MRPS5: variants seen among roughly 807,000 people sequenced by gnomAD.
MRPS5 encodes mitochondrial ribosomal protein S5, also known as small ribosomal subunit protein uS5m.
Under a neutral mutation model 51.9 loss-of-function variants are expected in MRPS5, and 27 were observed. The ratio of observed to expected loss-of-function variants is 0.52; its 90% CI spans 0.38 to 0.72. The LOEUF (loss-of-function observed/expected upper bound fraction) is 0.72. Among genes scored for constraint, MRPS5 ranks in the 30% least tolerant of loss-of-function variants. The pLI, the probability that MRPS5 is intolerant of heterozygous loss-of-function variation, is 0.00. For synonymous variants in MRPS5, 196 were observed against 193.2 expected, an observed-to-expected ratio of 1.01 and a Z score of -0.12; for missense variants, 570 against 545.7, an observed-to-expected ratio of 1.04 and a Z score of -0.44.
At chr2:95,121,595 G>T in intron 1 of MRPS5, 139 bp downstream of exon 1, 1 of 929,866 alleles carries the variant, frequency 1.1e-6, no homozygotes, top group Non-Finnish European at 1.5e-6. Flanking sequence ...CAGCGGCTCC[G>T]GCGGAAGGTG....
intron 2 of MRPS5, among the ~76,000 whole-genome samples, chr2:95,115,461 C>T (rs934492355): frequency 6.6e-6 from 1 of 152,100 alleles, no homozygotes; most frequent in African/African-American, 2.4e-5. Flanking sequence ...TTGTCCATAC[C>T]GCAGTTTCAG....
chr2:95,121,917 G>A (rs1412418678), upstream of MRPS5: 1 of 1,118,260 alleles, frequency 8.9e-7, no homozygotes, highest in Non-Finnish European at 1.2e-6. Context: ...AGTCCACGCA[G>A]CAGCGCAGGC....
At chr2:95,101,763 T>C (rs755515300) in intron 7 of MRPS5, 40 bp from the exon 8 acceptor site, 1 of 1,513,556 alleles carries the variant, frequency 6.6e-7, no homozygotes, top group Non-Finnish European at 9.0e-7. Flanking sequence ...GAGACAGAAA[T>C]TTTGCCCATG....
At chr2:95,115,348 A>C in intron 2 of MRPS5, 145 bp from the exon 3 acceptor site, 1 of 835,418 alleles carries the variant, frequency 1.2e-6, no homozygotes, top group Non-Finnish European at 1.7e-6. Context: ...CTTTCTTTTA[A>C]AAATAAAACT....
At position 95,087,129 on chromosome 2, in the gene MRPS5, G is replaced by GTAACAAAAGTA. The variant is rs1675313914; in HGVS notation, c.*227_*228insTACTTTTGTTA. The stretch of plus-strand genomic sequence containing the variant: ...TTCATTTACTTTTGTTACTTTGGAT[G>GTAACAAAAGTA]AATATTTAAAGTAGTCTTGAACTGA... On this transcript the variant is annotated 3_prime_UTR_variant, in exon 12 of 12. Coordinates refer to ENST00000272418, the MANE Select transcript of MRPS5 (RefSeq NM_031902.5). 1 of 443,136 alleles carries GTAACAAAAGTA rather than the reference G, an allele frequency of 2.3e-6. No homozygotes were observed. Among genetic ancestry groups the GTAACAAAAGTA allele is most frequent in the Non-Finnish European group, 4.0e-6 (1 of 252,824 alleles). 27.5% of individuals were successfully genotyped at this position (443,136 alleles called of 1,614,324 possible).
At chr2:95,104,138 C>A (rs1236877958) in intron 7 of MRPS5, 1 of 163,504 alleles carries the variant, frequency 6.1e-6, no homozygotes, top group African/African-American at 2.4e-5. Flanking sequence ...TTACAGTGTA[C>A]AGTTTTCCAG....
intron 3 of MRPS5, among the ~76,000 whole-genome samples, chr2:95,112,157 C>T (rs753707125): frequency 3.9e-5 from 6 of 152,076 alleles, no homozygotes; most frequent in African/African-American, 1.4e-4. Flanking sequence ...CTCCGCCTCC[C>T]GGGTTCAAGA....
chr2:95,108,369 A>T lies in MRPS5; in HGVS notation c.443T>A (p.Leu148His). 1.9e-6 allele frequency: 3 copies of T among 1,614,176 alleles called. No individual in the cohort carries two copies. The highest frequency in any genetic ancestry group is 2.5e-6 in the Non-Finnish European group (3 of 1,180,030). ...GGTCTGCACTGCTCCATTTTTCATA[A>T]GAGGGACATTCAGTCCGGGCCATAG... ...GFLWPGLNVP[L>H]MKNGAVQTIA... is the part of the protein sequence containing the mutation. The change falls in exon 5 of 12, where the codon CTT becomes CAT. Residue 148 changes from leucine (L) to histidine (H), a missense_variant. Physicochemically the swap from Leu to His is moderately conservative, Grantham distance 99. Transcript: ENST00000272418.
chr2:95,095,116 T>C (rs750333075), intron 10 of MRPS5, among the ~76,000 whole-genome samples: 3 of 151,928 alleles, frequency 2.0e-5, no homozygotes, highest in Non-Finnish European at 2.9e-5. Context: ...CCAACAAAGA[T>C]CAAAAGAGAC....
chr2:95,104,990 T>TTTGACATTA (rs1179112719), intron 6 of MRPS5, among the ~76,000 whole-genome samples: 1 of 152,194 alleles, frequency 6.6e-6, no homozygotes, highest in Non-Finnish European at 1.5e-5. Flanking sequence ...TTTAAAGGAA[T>TTTGACATTA]TTGACATTAT....
At chr2:95,095,788 T>G (rs1675607887) in intron 10 of MRPS5, among the ~76,000 whole-genome samples, 1 of 151,844 alleles carries the variant, frequency 6.6e-6, no homozygotes, top group Non-Finnish European at 1.5e-5. Context: ...ACATCATAAT[T>G]AAAAGAACTA....
intron 9 of MRPS5, 140 bp from the exon 10 acceptor site, chr2:95,100,676 C>T: frequency 1.1e-6 from 1 of 880,184 alleles, no homozygotes; most frequent in Non-Finnish European, 1.7e-6. Flanking sequence ...TGATTTCATT[C>T]ATTTTAGTAA....
chr2:95,113,347 G>A (rs371831761), intron 3 of MRPS5, among the ~76,000 whole-genome samples: 4 of 151,918 alleles, frequency 2.6e-5, no homozygotes, highest in East Asian at 2.0e-4. Context: ...GTGGTGGCAC[G>A]CGCCTATAGT....
At chr2:95,088,938 G>T (rs1269971949) in intron 11 of MRPS5, among the ~76,000 whole-genome samples, 1 of 152,142 alleles carries the variant, frequency 6.6e-6, no homozygotes, top group East Asian at 1.9e-4. Context: ...ATGGTGGCAC[G>T]TGCCTGTAGT....
chr2:95,090,423 C>A lies in MRPS5; in HGVS notation c.1031G>T (p.Ser344Ile), dbSNP rs1056465409. ...AKVSGSINML[S>I]LTQGLFRGLS... ...CCCACGGAAGAGGCCCTGGGTGAGG[C>A]TGAGCATATTAATGGACCCAGAGAC... Residue 344 changes from serine (S) to isoleucine (I), a missense_variant, in exon 11 of 12, where the codon AGC (serine) becomes ATC (isoleucine). Transcript: ENST00000272418. The A allele has an allele frequency of 2.5e-6, 4 of 1,614,034 alleles. No individual in the cohort carries two copies. Among genetic ancestry groups the A allele is most frequent in the Non-Finnish European group, 1.7e-6 (2 of 1,180,020 alleles).
At chr2:95,106,560 G>C (rs1675957033) in intron 5 of MRPS5, 103 bp from the exon 6 acceptor site, 1 of 968,924 alleles carries the variant, frequency 1.0e-6, no homozygotes, top group Admixed American at 1.7e-5. Context: ...CGGGGAGAAA[G>C]AATCTCAGAT....
intron 10 of MRPS5, 52 bp from the exon 11 acceptor site, chr2:95,090,574 G>T: frequency 1.9e-6 from 3 of 1,608,908 alleles, no homozygotes; most frequent in Non-Finnish European, 2.5e-6. Context: ...GCAGCCGGAG[G>T]AGTCACCCTG....
intron 1 of MRPS5, among the ~76,000 whole-genome samples, chr2:95,120,530 T>C (rs760760146): frequency 6.6e-6 from 1 of 152,216 alleles, no homozygotes; most frequent in Non-Finnish European, 1.5e-5. Flanking sequence ...GGTGATATAC[T>C]AAAAACCACT....
At chr2:95,120,558 C>T (rs1441414614) in intron 1 of MRPS5, among the ~76,000 whole-genome samples, 1 of 152,062 alleles carries the variant, frequency 6.6e-6, no homozygotes, top group Non-Finnish European at 1.5e-5. Flanking sequence ...ACACTTTAAA[C>T]GGATTAATTG....
Sources: allele counts gnomAD v4.1 joint callset (sites outside exome capture counted in the v4.1 genomes callset), GRCh38; gene constraint gnomAD v4.1.1; transcripts MANE v1.5; gene names NCBI Gene and HGNC (gene_info 2026-07-23, HGNC 2026-07-21).